MCU: variants seen among roughly 807,000 people sequenced by gnomAD.
The protein encoded by MCU is mitochondrial calcium uniporter.
MCU carries 12 observed loss-of-function variants against 45.2 expected under a neutral mutation model. The observed-to-expected ratio is 0.27, with a 90% CI of 0.17 to 0.43. The LOEUF (loss-of-function observed/expected upper bound fraction) is 0.43, where lower values mean the gene tolerates loss of function less well. MCU is among the 20% of genes least tolerant of loss of function. The pLI, the probability that MCU is intolerant of heterozygous loss-of-function variation, is 1.00. For synonymous variants in MCU, 160 were observed against 165.1 expected (o/e 0.97, Z 0.24); for missense variants, 324 against 436.7 (o/e 0.74, Z 2.30).
At chr10:72,849,376 A>G (rs776660018) in intron 2 of MCU, among the ~76,000 whole-genome samples, 1 of 152,128 alleles carries the variant, frequency 6.6e-6, no homozygotes, top group Admixed American at 6.5e-5. Flanking sequence ...ATGCCAGGTA[A>G]TTTTCTGGCT....
At chr10:72,779,827 T>A (rs1843961630) in intron 1 of MCU, among the ~76,000 whole-genome samples, 1 of 152,206 alleles carries the variant, frequency 6.6e-6, no homozygotes, top group Admixed American at 6.5e-5. Context: ...TCATTGCTGT[T>A]GGGATTGTAA....
chr10:72,799,076 G>A lies in MCU; in HGVS notation c.151-35283G>A, dbSNP rs140924708. 7.1e-3 allele frequency among the ~76,000 whole-genome samples: 1,083 copies of A among 151,944 alleles called. 19 individuals carry two copies. The highest frequency in any genetic ancestry group is 0.025 in the African/African-American group (1,032 of 41,446). ...CGAGAAGCTGGGACTATAGGCGCCC[G>A]CCACCACGCCCAGCTAATTTTTGTA... On this transcript the variant is annotated intron_variant, in intron 1 of 7. Coordinates refer to ENST00000373053, the MANE Select transcript of MCU (RefSeq NM_138357.3).
chr10:72,770,825 C>A (rs1843795456), intron 1 of MCU, among the ~76,000 whole-genome samples: 1 of 151,902 alleles, frequency 6.6e-6, no homozygotes, highest in Non-Finnish European at 1.5e-5. Flanking sequence ...TATATAATTG[C>A]TTTTTAAATA....
At chr10:72,751,341 CTTTTTTTTT>C (rs71021528) in intron 1 of MCU, among the ~76,000 whole-genome samples, 38 of 44,750 alleles carry the variant, frequency 8.5e-4, no homozygotes, top group Admixed American at 1.9e-3. Context: ...TCTTCTTCTT[CTTTTTTTTT>C]TTTTTTTTTT....
chr10:72,877,951 T>C (rs1298723825), intron 6 of MCU, among the ~76,000 whole-genome samples: 1 of 152,072 alleles, frequency 6.6e-6, no homozygotes, highest in African/African-American at 2.4e-5. Context: ...AGCTCATCTT[T>C]CATTCATCTC....
At chr10:72,828,983 A>G (rs556628480) in intron 1 of MCU, among the ~76,000 whole-genome samples, 1 of 152,322 alleles carries the variant, frequency 6.6e-6, no homozygotes, top group African/African-American at 2.4e-5. Context: ...TTTCTTTTCA[A>G]GGAACTATGG....
Position 72,813,573 on chromosome 10 carries a change from C to CT in MCU, c.151-20785dup, listed in dbSNP as rs199627386. Reference sequence around the variant, plus strand: ...TCCTGGGATCAAGCGATTCTCCTGCCTCAGCCTCCTGAGTAGCTGGGATCA... The same window carrying CT: ...TCCTGGGATCAAGCGATTCTCCTGCCTTCAGCCTCCTGAGTAGCTGGGATCA... On this transcript the variant is annotated intron_variant, in intron 1 of 7. Transcript: ENST00000373053. Among the ~76,000 whole-genome samples the CT allele has an allele frequency of 5.3e-3, 800 of 150,480 alleles. 5 individuals are homozygous for CT. The highest frequency in any genetic ancestry group is 0.019 in the African/African-American group (758 of 40,612).
At chr10:72,823,291 A>G (rs1844742571) in intron 1 of MCU, among the ~76,000 whole-genome samples, 3 of 152,370 alleles carry the variant, frequency 2.0e-5, no homozygotes, top group Admixed American at 1.3e-4. Context: ...GGCCCCGTGC[A>G]TGCTTAGAAA....
At chr10:72,806,449 C>G (rs1027702642) in intron 1 of MCU, among the ~76,000 whole-genome samples, 36 of 152,252 alleles carry the variant, frequency 2.4e-4, no homozygotes, top group Admixed American at 6.5e-4. Context: ...CGTGAGCCAC[C>G]GCGCCCGGCA....
At chr10:72,833,288 A>T (rs543411830) in intron 1 of MCU, among the ~76,000 whole-genome samples, 5 of 152,346 alleles carry the variant, frequency 3.3e-5, no homozygotes, top group Admixed American at 6.5e-5. Context: ...ACTAGAAGTA[A>T]TTCCTAATGA....
intron 1 of MCU, among the ~76,000 whole-genome samples, chr10:72,716,946 T>G (rs998132789): frequency 6.6e-6 from 1 of 152,134 alleles, no homozygotes; most frequent in African/African-American, 2.4e-5. Flanking sequence ...TAATGGAAAT[T>G]GAGGACCAGA....
rs569103037 is a variant in MCU, at chr10:72,825,100, G to A, written c.151-9259G>A. On this transcript the variant is annotated intron_variant, in intron 1 of 7. Coordinates refer to ENST00000373053, the MANE Select transcript of MCU (RefSeq NM_138357.3). ...CCTAGCTTTTCTGATGCCTTTTAAA[G>A]GTTACAGAAAATTAAATAAATCTGT... Among the ~76,000 whole-genome samples, 7 of 152,078 alleles carry A rather than the reference G, an allele frequency of 4.6e-5. No individual in the cohort carries two copies. The East Asian group carries it at 1.3e-3, about 29-fold the overall frequency.
At chr10:72,699,672 GTC>G (rs1842732949) in intron 1 of MCU, among the ~76,000 whole-genome samples, 1 of 150,750 alleles carries the variant, frequency 6.6e-6, no homozygotes, top group South Asian at 2.1e-4. Context: ...GCTCTCTGCA[GTC>G]TCTGTCTCCT....
chr10:72,755,939 G>GTT (rs1019952452), intron 1 of MCU, among the ~76,000 whole-genome samples: 4 of 151,806 alleles, frequency 2.6e-5, no homozygotes, highest in Non-Finnish European at 2.9e-5. Flanking sequence ...AATCTCCCAG[G>GTT]GTCAAGCAGT....
intron 1 of MCU, among the ~76,000 whole-genome samples, chr10:72,745,699 T>C (rs1382731167): frequency 1.3e-5 from 2 of 152,178 alleles, no homozygotes; most frequent in Non-Finnish European, 2.9e-5. Context: ...CCATATATCA[T>C]TACCATAAAA....
intron 1 of MCU, among the ~76,000 whole-genome samples, chr10:72,815,265 T>G (rs908945093): frequency 6.6e-6 from 1 of 152,230 alleles, no homozygotes; most frequent in African/African-American, 2.4e-5. Flanking sequence ...CAAAAACAGA[T>G]AGTGGACTGG....
chr10:72,756,620 T>C (rs1427776442), intron 1 of MCU: 2 of 152,210 alleles, frequency 1.3e-5, no homozygotes, highest in African/African-American at 4.8e-5. Context: ...GTAGTAGTTT[T>C]GCCATATTCA....
intron 1 of MCU, among the ~76,000 whole-genome samples, chr10:72,748,052 CTTTT>C (rs537441082): frequency 6.9e-6 from 1 of 144,800 alleles, no homozygotes. Flanking sequence ...CGACAACCAT[CTTTT>C]TTTTTTTTTG....
chr10:72,750,998 A>T (rs558714774), intron 1 of MCU, among the ~76,000 whole-genome samples: 1 of 152,020 alleles, frequency 6.6e-6, no homozygotes, highest in Admixed American at 6.6e-5. Context: ...ATTCATTTTT[A>T]TTTTTTATTT....
Sources: gnomAD v4.1 joint callset for allele counts (sites outside exome capture counted in the v4.1 genomes callset) on GRCh38, gnomAD v4.1.1 for gene constraint, MANE v1.5 for transcripts, NCBI Gene and HGNC (gene_info 2026-07-23, HGNC 2026-07-21) for gene names.